Variants in BOD1L1 observed in about 807,000 individuals in gnomAD.
BOD1L1 encodes the protein biorientation of chromosomes in cell division protein 1-like 1.
A neutral mutation model predicts 240.7 loss-of-function variants in BOD1L1; 86 were observed. The observed-to-expected ratio is 0.36, with a 90% confidence interval of 0.30 to 0.43. The LOEUF is 0.43. BOD1L1 is among the 20% of genes least tolerant of loss of function. The pLI is 1.00. For synonymous variants in BOD1L1, 1,268 were observed against 1,272.3 expected, an observed-to-expected ratio of 1.00 and a Z score of 0.07; for missense variants, 3,554 against 3,643.5, an observed-to-expected ratio of 0.98 and a Z score of 0.63.
At position 13,576,830 on chromosome 4, in the gene BOD1L1, C is replaced by A; in HGVS notation, c.9038+8G>T. ...AGGTCTCTGGCAGCTCTGTGCTGCCCCCATTACCTCTGAGCCTCTGATCTG... is the reference window on the plus strand; with the variant it reads ...AGGTCTCTGGCAGCTCTGTGCTGCCACCATTACCTCTGAGCCTCTGATCTG... On this transcript the variant is annotated splice_region_variant and intron_variant, in intron 25 of 25. Coordinates refer to ENST00000040738, the MANE Select transcript of BOD1L1 (RefSeq NM_148894.3). 1.2e-6 allele frequency: 2 copies of A among 1,612,386 alleles called. No homozygotes were observed.
In BOD1L1 at chr4:13,601,780, A is replaced by C; in HGVS notation, c.5120T>G (p.Val1707Gly). The change falls in exon 10 of 26, where the codon GTG (valine) becomes GGG (glycine). Residue 1707 changes from valine to glycine, a missense_variant. Physicochemically the swap from Val to Gly is moderately radical, Grantham distance 109. Coordinates refer to ENST00000040738, the MANE Select transcript of BOD1L1 (RefSeq NM_148894.3). ...IRAGSISSEE[V>G]DGSQGNMMRM... ...CATCATATTTCCCTGGGAGCCATCC[A>C]CCTCTTCACTGCTTATAGATCCTGC... 3 of 1,613,696 alleles carry C rather than the reference A, an allele frequency of 1.9e-6. No homozygotes were observed. The highest frequency in any genetic ancestry group is 2.5e-6 in the Non-Finnish European group (3 of 1,179,820).
Position 13,598,993 on chromosome 4 carries a change from C to T in BOD1L1, c.7907G>A (p.Gly2636Glu), listed in dbSNP as rs754548104. 1.9e-6 allele frequency: 3 copies of T among 1,613,500 alleles called. No homozygotes were observed. The highest frequency in any genetic ancestry group is 2.5e-6 in the Non-Finnish European group (3 of 1,179,514). Residue 2636 changes from glycine (G) to glutamate (E), a missense_variant, in exon 10 of 26, where the codon GGA (glycine) becomes GAA (glutamate). Around this residue, in one of 2 missense-constraint regions of BOD1L1, gnomAD observed 3,393 missense variants for 3,427.1 expected, o/e 0.99. Transcript: ENST00000040738. ...AGAAGACACAGTAACCATTATGTCT[C>T]CTTCCTCAGGGAATGATTTCCTTGT... ...NSTRKSFPEE[G>E]DIMVTVSSEE...
intron 15 of BOD1L1, among the ~76,000 whole-genome samples, chr4:13,587,978 G>A (rs1449765394): frequency 6.6e-6 from 1 of 152,158 alleles, no homozygotes; most frequent in East Asian, 1.9e-4. Flanking sequence ...GAGGTCAGGA[G>A]ATCAAGACCA....
intron 14 of BOD1L1, among the ~76,000 whole-genome samples, chr4:13,589,452 T>C (rs1351908306): frequency 6.6e-6 from 1 of 152,134 alleles, no homozygotes; most frequent in Non-Finnish European, 1.5e-5. Flanking sequence ...TCAAAAGCAA[T>C]TAAAATAATT....
At chr4:13,587,543 G>A (rs985227521) in intron 16 of BOD1L1, among the ~76,000 whole-genome samples, 156 bp downstream of exon 16, 1 of 152,146 alleles carries the variant, frequency 6.6e-6, no homozygotes, top group African/African-American at 2.4e-5. Flanking sequence ...AAAGGACTCC[G>A]GAGGTATCAA....
rs1001945812 is a variant in BOD1L1, at chr4:13,614,527, G to A, written c.843C>T (p.Ser281=). Residue 281 remains serine (S), a synonymous_variant, in exon 4 of 26, where the codon AGC becomes AGT. Coordinates refer to ENST00000040738, the MANE Select transcript of BOD1L1 (RefSeq NM_148894.3). The part of the protein sequence containing the change: ...LETAPKSEEF[S]DLPCPVEEIK... ...TTTCTTCGACTGGACAGGGGAGGTC[G>A]CTGAACTCTTCAGACTTTGGGGCTG... is the stretch of plus-strand genomic sequence containing the variant. 1.7e-5 allele frequency: 28 copies of A among 1,613,798 alleles called. No individual in the cohort carries two copies. Among genetic ancestry groups the A allele is most frequent in the Non-Finnish European group, 2.1e-5 (25 of 1,179,894 alleles).
intron 2 of BOD1L1, among the ~76,000 whole-genome samples, chr4:13,616,772 T>C (rs755084423): frequency 7.2e-5 from 11 of 152,162 alleles, no homozygotes; most frequent in Non-Finnish European, 1.2e-4. Flanking sequence ...ATTCTACTTA[T>C]GTGGGCCATA....
At chr4:13,591,512 G>A (rs1330508016) in intron 13 of BOD1L1, among the ~76,000 whole-genome samples, 2 of 152,198 alleles carry the variant, frequency 1.3e-5, no homozygotes, top group African/African-American at 4.8e-5. Flanking sequence ...ACGGGATTAT[G>A]AGAGCCACAT....
chr4:13,602,358 C>G lies in BOD1L1; in HGVS notation c.4542G>C (p.Lys1514Asn), dbSNP rs775501973. 2.0e-5 allele frequency: 33 copies of G among 1,613,972 alleles called. No individual in the cohort carries two copies. The highest frequency in any genetic ancestry group is 2.8e-5 in the Non-Finnish European group (33 of 1,179,878). Residue 1514 changes from lysine (K) to asparagine (N), a missense_variant, in exon 10 of 26, where the codon AAG becomes AAC. By Grantham distance (94) the Lys-to-Asn change is moderately conservative. Transcript: ENST00000040738. ...CTTCAGTACTAGTGGCAACAGAAGT[C>G]TTTTCTGCTCTCCTAGGCCCAGTTG... ...DVATGPRRAE[K>N]TSVATSTEGK...
Position 13,602,148 on chromosome 4 carries a change from A to C in BOD1L1, c.4752T>G (p.Thr1584=). 1 of 1,614,026 alleles carries C rather than the reference A, an allele frequency of 6.2e-7. No homozygotes were observed. The highest frequency in any genetic ancestry group is 2.2e-5 in the East Asian group (1 of 44,874). Residue 1584 remains threonine, a synonymous_variant, in exon 10 of 26, where the codon ACT becomes ACG. Coordinates refer to ENST00000040738, the MANE Select transcript of BOD1L1 (RefSeq NM_148894.3). ...LHVGAEASEC[T]VFAAAEEGGA... ...CACCTTCTTCAGCTGCAGCAAAAAC[A>C]GTGCATTCACTGGCTTCTGCACCAA... is the stretch of plus-strand genomic sequence containing the variant.
intron 1 of BOD1L1, 151 bp downstream of exon 1, chr4:13,627,194 G>T (rs1717461710): frequency 9.1e-6 from 3 of 330,510 alleles, no homozygotes; most frequent in Non-Finnish European, 1.5e-5. Flanking sequence ...TCGGTAAAAC[G>T]AACCAAAGGA....
At chr4:13,586,119 A>T (rs188708788) in intron 17 of BOD1L1, among the ~76,000 whole-genome samples, 2 of 152,354 alleles carry the variant, frequency 1.3e-5, no homozygotes, top group Admixed American at 1.3e-4. Flanking sequence ...TAGAAACCTC[A>T]AGAAATCAAT....
At chr4:13,622,507 T>C (rs188302963) in intron 1 of BOD1L1, among the ~76,000 whole-genome samples, 175 of 152,332 alleles carry the variant, frequency 1.1e-3, no homozygotes, top group African/African-American at 4.1e-3. Flanking sequence ...AGTGCTTTGG[T>C]GAAAAGCCTT....
chr4:13,619,897 G>A, intron 2 of BOD1L1, 46 bp downstream of exon 2: 1 of 1,597,794 alleles, frequency 6.3e-7, no homozygotes, highest in Non-Finnish European at 8.5e-7. Context: ...GGCAAAGTAG[G>A]TTAGGACATT....
At position 13,575,787 on chromosome 4, in the gene BOD1L1, G is replaced by C. The variant is rs186463966; in HGVS notation, c.9038+1051C>G. Among the ~76,000 whole-genome samples, 11 of 151,824 alleles carry C rather than the reference G, an allele frequency of 7.2e-5. No individual in the cohort carries two copies. In the East Asian group the frequency reaches 2.1e-3, roughly 30 times the overall value. On this transcript the variant is annotated intron_variant, in intron 25 of 25. Coordinates refer to ENST00000040738, the MANE Select transcript of BOD1L1 (RefSeq NM_148894.3). ...CATGGGGAAAGGAACACTGGATGAT[G>C]TGAACAGGTATAATGATATAGGCCA...
At chr4:13,578,765 T>G (rs1232095773) in intron 22 of BOD1L1, among the ~76,000 whole-genome samples, 1 of 152,170 alleles carries the variant, frequency 6.6e-6, no homozygotes, top group South Asian at 2.1e-4. Flanking sequence ...GATCCCAGCC[T>G]ATAGTCTGAA....
In BOD1L1 at chr4:13,595,873, C is replaced by G. The variant is rs762643253; in HGVS notation, c.8091G>C (p.Lys2697Asn). Residue 2697 changes from lysine to asparagine, a missense_variant, in exon 12 of 26, where the codon AAG (lysine) becomes AAC (asparagine). Physicochemically the swap from Lys to Asn is moderately conservative, Grantham distance 94. Coordinates refer to ENST00000040738, the MANE Select transcript of BOD1L1 (RefSeq NM_148894.3). ...TAAAGAGCTCACCTATTCCACTTGGCTTTCCCCCACACAGACTTTCTGGTG... is the reference window on the plus strand; with the variant it reads ...TAAAGAGCTCACCTATTCCACTTGGGTTTCCCCCACACAGACTTTCTGGTG... ...LAPPESLCGGKPSGIAELQRE... is the reference protein window; with the variant it reads ...LAPPESLCGGNPSGIAELQRE... The G allele has an allele frequency of 6.2e-7, 1 of 1,613,666 alleles. No homozygotes were observed. The highest frequency in any genetic ancestry group is 2.2e-5 in the East Asian group (1 of 44,848).
Position 13,605,058 on chromosome 4 carries a change from A to G in BOD1L1, c.1842T>C (p.Ser614=). Residue 614 remains serine, a synonymous_variant, in exon 10 of 26, where the codon TCT becomes TCC. Coordinates refer to ENST00000040738, the MANE Select transcript of BOD1L1 (RefSeq NM_148894.3). ...SEHCEKEKIS[S]SKELKHVHAK... ...CATGAACATGCTTCAGCTCCTTTGAAGAAGAAATTTTTTCCTTTTCACAAT... is the reference window on the plus strand; with the variant it reads ...CATGAACATGCTTCAGCTCCTTTGAGGAAGAAATTTTTTCCTTTTCACAAT... 6.4e-7 allele frequency: 1 copy of G among 1,558,402 alleles called. No individual in the cohort carries two copies. Among genetic ancestry groups the G allele is most frequent in the South Asian group, 1.2e-5 (1 of 82,056 alleles).
chr4:13,586,266 GTGAT>G (rs1713677240), intron 17 of BOD1L1, 126 bp downstream of exon 17: 7 of 465,926 alleles, frequency 1.5e-5, no homozygotes. Flanking sequence ...TTATAATAAA[GTGAT>G]TATTATTAGA....
Sources: allele counts gnomAD v4.1 joint callset (sites outside exome capture counted in the v4.1 genomes callset), GRCh38; gene constraint gnomAD v4.1.1; regional missense constraint gnomAD v4.1.1; transcripts MANE v1.5; gene names NCBI Gene and HGNC (gene_info 2026-07-23, HGNC 2026-07-21).